The following OSBPL6 variants were observed in gnomAD, a reference collection of about 807,000 sequenced individuals.
The protein encoded by OSBPL6 is oxysterol-binding protein-related protein 6.
OSBPL6 carries 49 observed loss-of-function variants against 125.8 expected under a neutral mutation model. The ratio of observed to expected loss-of-function variants is 0.39; its 90% confidence interval spans 0.31 to 0.49. The LOEUF is 0.49. OSBPL6 is among the 20% of genes least tolerant of loss of function. The pLI is 0.88. For synonymous variants in OSBPL6, 394 were observed against 391.8 expected (o/e 1.01, Z -0.07); for missense variants, 986 against 1,135.4 (o/e 0.87, Z 1.89).
intron 1 of OSBPL6, among the ~76,000 whole-genome samples, chr2:178,201,455 T>C (rs1304011830): frequency 6.6e-6 from 1 of 152,186 alleles, no homozygotes; most frequent in African/African-American, 2.4e-5. Context: ...TTCACAGACA[T>C]GATCATGGTG....
intron 1 of OSBPL6, among the ~76,000 whole-genome samples, chr2:178,267,168 A>C (rs6736503): frequency 1.3e-5 from 2 of 152,234 alleles, no homozygotes; most frequent in African/African-American, 4.8e-5. Flanking sequence ...AGCCTAGCCA[A>C]CATGGGGAAA....
chr2:178,362,619 C>G (rs1181843267), intron 13 of OSBPL6, among the ~76,000 whole-genome samples: 2 of 152,144 alleles, frequency 1.3e-5, no homozygotes, highest in African/African-American at 2.4e-5. Context: ...AAGGAGCAAG[C>G]AAATCCTGGG....
At chr2:178,386,910 C>T in intron 19 of OSBPL6, 151 bp from the exon 20 acceptor site, 1 of 433,676 alleles carries the variant, frequency 2.3e-6, no homozygotes, top group Non-Finnish European at 4.1e-6. Flanking sequence ...CACCTTGGGC[C>T]ATTTGCAGGC....
chr2:178,330,360 A>G (rs1386501388), intron 5 of OSBPL6, among the ~76,000 whole-genome samples: 2 of 152,262 alleles, frequency 1.3e-5, no homozygotes, highest in Non-Finnish European at 2.9e-5. Context: ...ATTTTGCTAC[A>G]TAAATAACAG....
chr2:178,211,113 A>G (rs983368213), intron 1 of OSBPL6, among the ~76,000 whole-genome samples: 1 of 152,170 alleles, frequency 6.6e-6, no homozygotes. Flanking sequence ...CTCTAAAAAA[A>G]TTAAAAACTT....
intron 11 of OSBPL6, among the ~76,000 whole-genome samples, chr2:178,347,790 G>A (rs1281900951): frequency 6.6e-6 from 1 of 152,178 alleles, no homozygotes; most frequent in Non-Finnish European, 1.5e-5. Flanking sequence ...TCCCAGCCCA[G>A]TGTAGCCAAG....
intron 1 of OSBPL6, among the ~76,000 whole-genome samples, chr2:178,200,694 T>C (rs1294961091): frequency 6.6e-6 from 1 of 152,224 alleles, no homozygotes; most frequent in Non-Finnish European, 1.5e-5. Context: ...GGGTGTTCCT[T>C]GATTTTAATA....
rs1283831371 is a variant in OSBPL6, at chr2:178,200,690, T to C, written c.-351+6016T>C. 3.3e-5 allele frequency among the ~76,000 whole-genome samples: 5 copies of C among 152,288 alleles called. No individual in the cohort carries two copies. In the East Asian group the frequency reaches 9.6e-4, roughly 29 times the overall value. Reference sequence around the variant, plus strand: ...GTGATGGAGTGTTGTACAGGGGTGTTCCTTGATTTTAATATTTTCTATAAT... The same window carrying C: ...GTGATGGAGTGTTGTACAGGGGTGTCCCTTGATTTTAATATTTTCTATAAT... On this transcript the variant is annotated intron_variant, in intron 1 of 24. Coordinates refer to ENST00000190611, the MANE Select transcript of OSBPL6 (RefSeq NM_032523.4).
At chr2:178,384,686 A>T (rs1019822335) in intron 18 of OSBPL6, among the ~76,000 whole-genome samples, 2 of 152,140 alleles carry the variant, frequency 1.3e-5, no homozygotes, top group Non-Finnish European at 2.9e-5. Context: ...AAGTAATCAG[A>T]TATGCATCTC....
intron 13 of OSBPL6, among the ~76,000 whole-genome samples, chr2:178,370,521 T>C (rs570883445): frequency 8.5e-5 from 13 of 152,290 alleles, no homozygotes; most frequent in African/African-American, 2.9e-4. Context: ...TGGGTTTTTT[T>C]CTAATTCTAA....
At chr2:178,316,076 C>G (rs1048799065) in intron 3 of OSBPL6, among the ~76,000 whole-genome samples, 1 of 152,138 alleles carries the variant, frequency 6.6e-6, no homozygotes, top group Non-Finnish European at 1.5e-5. Context: ...TCTGCACATA[C>G]TGTATGTTTT....
At chr2:178,257,417 A>G (rs946545738) in intron 1 of OSBPL6, among the ~76,000 whole-genome samples, 3 of 152,212 alleles carry the variant, frequency 2.0e-5, no homozygotes, top group Admixed American at 6.5e-5. Flanking sequence ...TTTTTATTAT[A>G]CATACTTCTG....
At chr2:178,204,191 G>T (rs334112) in intron 1 of OSBPL6, among the ~76,000 whole-genome samples, 31,818 of 151,712 alleles carry the variant, frequency 0.21, 4,207 homozygotes, top group African/African-American at 0.38. Context: ...ACCCAGGTAA[G>T]TTTTGCATTT....
chr2:178,276,140 A>C (rs1408071699), intron 1 of OSBPL6, among the ~76,000 whole-genome samples: 1 of 152,160 alleles, frequency 6.6e-6, no homozygotes, highest in Non-Finnish European at 1.5e-5. Context: ...ATAATTCATG[A>C]GGGAAATATG....
intron 1 of OSBPL6, among the ~76,000 whole-genome samples, chr2:178,198,376 C>G (rs927055548): frequency 4.0e-5 from 6 of 151,888 alleles, no homozygotes; most frequent in African/African-American, 9.7e-5. Context: ...AATCTTGGCT[C>G]ACTGCAACCT....
At chr2:178,270,077 G>A (rs952359627) in intron 1 of OSBPL6, among the ~76,000 whole-genome samples, 4 of 152,282 alleles carry the variant, frequency 2.6e-5, no homozygotes, top group African/African-American at 9.6e-5. Context: ...GGCCAGACTT[G>A]CGGACTGCCT....
chr2:178,290,782 T>C (rs1325816345), intron 2 of OSBPL6, among the ~76,000 whole-genome samples: 1 of 152,046 alleles, frequency 6.6e-6, no homozygotes, highest in East Asian at 1.9e-4. Flanking sequence ...CTAGGGGTGC[T>C]CATTTCCATG....
intron 1 of OSBPL6, among the ~76,000 whole-genome samples, chr2:178,196,924 G>A (rs1266762134): frequency 6.6e-6 from 1 of 151,962 alleles, no homozygotes; most frequent in African/African-American, 2.4e-5. Context: ...TATATCTCTG[G>A]ATTCATTCAT....
At chr2:178,384,547 C>T (rs558367533) in intron 18 of OSBPL6, among the ~76,000 whole-genome samples, 85 of 152,298 alleles carry the variant, frequency 5.6e-4, no homozygotes, top group African/African-American at 1.9e-3. Flanking sequence ...AGGTTGCATT[C>T]TTTTGGGTCT....
Sources: allele counts gnomAD v4.1 joint callset (sites outside exome capture counted in the v4.1 genomes callset), GRCh38; gene constraint gnomAD v4.1.1; transcripts MANE v1.5; gene names NCBI Gene and HGNC (gene_info 2026-07-23, HGNC 2026-07-21).